TTC6: variants seen among roughly 807,000 people sequenced by gnomAD.
The protein encoded by TTC6 is tetratricopeptide repeat protein 6.
In TTC6, 172 loss-of-function variants were observed where a neutral mutation model predicts 210.4. That is an observed-to-expected ratio of 0.82 (90% CI 0.72 to 0.93). TTC6 has a LOEUF of 0.93. Ranked by LOEUF, TTC6 falls within the 40% of genes least tolerant of loss-of-function variation. The pLI is 0.00. For synonymous variants in TTC6, 804 were observed against 819.6 expected (o/e 0.98, Z 0.32); for missense variants, 2,414 against 2,318.1 (o/e 1.04, Z -0.85).
At chr14:37,622,760 C>A in exon 1 of TTC6, 6 of 1,534,944 alleles carry the variant, frequency 3.9e-6, no homozygotes, top group Non-Finnish European at 4.4e-6. Flanking sequence ...ACTTCGTGAG[C>A]GAGAGCGGGG....
At chr14:37,731,310 A>T (rs1229200082) in intron 7 of TTC6, among the ~76,000 whole-genome samples, 1 of 152,190 alleles carries the variant, frequency 6.6e-6, no homozygotes, top group Non-Finnish European at 1.5e-5. Flanking sequence ...TTTTCTCTGT[A>T]ATGCACATTG....
chr14:37,623,053 T>A, intron 1 of TTC6, 50 bp downstream of exon 3: 2 of 1,293,664 alleles, frequency 1.5e-6, no homozygotes, highest in Non-Finnish European at 2.1e-6. Flanking sequence ...CAATTTGGGT[T>A]ACATTACATA....
chr14:37,703,332 A>G (rs1469621877), intron 5 of TTC6, among the ~76,000 whole-genome samples: 1 of 152,102 alleles, frequency 6.6e-6, no homozygotes, highest in African/African-American at 2.4e-5. Flanking sequence ...GATGAGGATA[A>G]TTCTTGGCAA....
At chr14:37,599,605 C>T (rs2095611490) in intron 1 of TTC6, among the ~76,000 whole-genome samples, 1 of 152,322 alleles carries the variant, frequency 6.6e-6, no homozygotes, top group South Asian at 2.1e-4. Flanking sequence ...AGCCGGATGT[C>T]GGAGCCGGAG....
exon 28 of TTC6, chr14:37,826,346 A>G: frequency 6.3e-7 from 1 of 1,595,134 alleles, no homozygotes; most frequent in Non-Finnish European, 8.5e-7. Flanking sequence ...GCTGCCATGA[A>G]GGTAAAAACC....
At chr14:37,618,463 G>A (rs1255829282), upstream of TTC6, among the ~76,000 whole-genome samples, 2 of 152,324 alleles carry the variant, frequency 1.3e-5, no homozygotes, top group African/African-American at 2.4e-5. Context: ...GACACATCAT[G>A]TAGATGAATA....
chr14:37,728,464 T>C (rs1441271371), intron 7 of TTC6, among the ~76,000 whole-genome samples: 2 of 152,136 alleles, frequency 1.3e-5, no homozygotes, highest in Non-Finnish European at 2.9e-5. Flanking sequence ...CTAACAGTTT[T>C]ACTTTCTGTG....
Position 37,725,284 on chromosome 14 carries a change from TTATA to T in TTC6, c.1818+286_1818+289del, listed in dbSNP as rs1435877951. On this transcript the variant is annotated intron_variant, in intron 7 of 30. Coordinates refer to ENST00000553443, the Ensembl canonical transcript of TTC6. The stretch of plus-strand genomic sequence containing the variant: ...ATGTATATATGTATATATATAAAAT[TTATA>T]TATGTATGTATGTGTGTGTGTGTGT... 4.2e-5 allele frequency among the ~76,000 whole-genome samples: 5 copies of T among 119,334 alleles called. No individual in the cohort carries two copies. The East Asian group carries it at 7.3e-4, about 17-fold the overall frequency. The allele number at this position is 119,334 out of a possible 152,430, so 78.3% of individuals were successfully genotyped here. A position where few individuals can be genotyped will look rare whatever the true frequency, so the allele number is the denominator to read the frequency against.
rs996293453 is a variant in TTC6, at chr14:37,787,614, C to T, written c.3413C>T (p.Ala1138Val). 117 of 1,516,120 alleles carry T rather than the reference C, an allele frequency of 7.7e-5. 1 individual carries two copies. The Admixed American group carries it at 1.2e-3, about 15-fold the overall frequency. The allele number at this position is 1,516,120 out of a possible 1,614,324, so 93.9% of individuals were successfully genotyped here. A position where few individuals can be genotyped will look rare whatever the true frequency, so the allele number is the denominator to read the frequency against. Residue 1138 changes from alanine to valine, a missense_variant, in exon 15 of 31, where the codon GCG (alanine) becomes GTG (valine). Physicochemically the swap from Ala to Val is moderately conservative, Grantham distance 64. Coordinates refer to ENST00000553443, the Ensembl canonical transcript of TTC6. ...TTCAGAAAGAGTAACCCTTTTAGAG[C>T]GCTACAGGATTATAGTGTTTCAGGT...
intron 15 of TTC6, among the ~76,000 whole-genome samples, chr14:37,789,630 A>G (rs1342074029): frequency 7.0e-6 from 1 of 142,874 alleles, no homozygotes; most frequent in Admixed American, 7.1e-5. Context: ...TATATACTCT[A>G]TGTATATTCT....
chr14:37,681,639 G>T (rs1395767258), intron 2 of TTC6, among the ~76,000 whole-genome samples: 6 of 151,984 alleles, frequency 3.9e-5, no homozygotes, highest in African/African-American at 1.4e-4. Flanking sequence ...CATCCCCCCT[G>T]CCCTCAGACA....
chr14:37,751,014 G>C, intron 12 of TTC6, 39 bp from the exon 15 acceptor site: 1 of 1,396,970 alleles, frequency 7.2e-7, no homozygotes, highest in Non-Finnish European at 9.6e-7. Context: ...GGAATGAAAG[G>C]ATTATAACTC....
At chr14:37,623,178 G>T (rs1387485386) in intron 1 of TTC6, among the ~76,000 whole-genome samples, 175 bp downstream of exon 3, 2 of 152,116 alleles carry the variant, frequency 1.3e-5, no homozygotes, top group Non-Finnish European at 2.9e-5. Flanking sequence ...TTTTCCATTT[G>T]AATTTTTGAA....
At chr14:37,752,121 G>C (rs1020558035) in intron 13 of TTC6, among the ~76,000 whole-genome samples, 1 of 151,966 alleles carries the variant, frequency 6.6e-6, no homozygotes, top group African/African-American at 2.4e-5. Flanking sequence ...CACCGTGCCC[G>C]GCCAGGAAAT....
intron 14 of TTC6, 40 bp downstream of exon 16, chr14:37,753,275 T>C (rs570399364): frequency 2.8e-6 from 4 of 1,447,848 alleles, no homozygotes; most frequent in African/African-American, 2.8e-5. Flanking sequence ...ATTATTACTA[T>C]TATTTGAAAT....
chr14:37,636,796 T>C (rs1329273482), intron 1 of TTC6, among the ~76,000 whole-genome samples: 2 of 152,196 alleles, frequency 1.3e-5, no homozygotes, highest in African/African-American at 4.8e-5. Context: ...ATTATAGTTA[T>C]AGAAAAACAG....
At chr14:37,657,048 A>G (rs1595068408) in intron 1 of TTC6, among the ~76,000 whole-genome samples, 1 of 151,926 alleles carries the variant, frequency 6.6e-6, no homozygotes, top group Non-Finnish European at 1.5e-5. Flanking sequence ...CGTCTCTATT[A>G]AAAATACTAA....
At chr14:37,683,782 T>G (rs2095788863) in intron 3 of TTC6, among the ~76,000 whole-genome samples, 1 of 152,168 alleles carries the variant, frequency 6.6e-6, no homozygotes, top group Non-Finnish European at 1.5e-5. Flanking sequence ...GCCTCACAGA[T>G]AAGGGAGGAT....
At chr14:37,629,647 A>G (rs2095666017) in intron 1 of TTC6, among the ~76,000 whole-genome samples, 3 of 152,082 alleles carry the variant, frequency 2.0e-5, no homozygotes, top group Admixed American at 6.5e-5. Context: ...TACTATGTTG[A>G]ATAGGAGGGG....
Sources: gnomAD v4.1 joint callset for allele counts (sites outside exome capture counted in the v4.1 genomes callset) on GRCh38, gnomAD v4.1.1 for gene constraint, MANE v1.5 for transcripts, NCBI Gene and HGNC (gene_info 2026-07-23, HGNC 2026-07-21) for gene names.